The following NKIRAS1 variants were observed in gnomAD, a reference collection of about 807,000 sequenced individuals.
NKIRAS1 encodes the protein NF-kappa-B inhibitor-interacting Ras-like protein 1.
In NKIRAS1, 16 loss-of-function variants were observed where a neutral mutation model predicts 19.8. The ratio of observed to expected loss-of-function variants is 0.81; its 90% CI spans 0.55 to 1.23. The LOEUF is 1.23. NKIRAS1 is among the 50% of genes most tolerant of loss of function. The probability of loss-of-function intolerance (pLI) is 0.00; values close to 1 mark genes in which losing one functional copy is unlikely to be tolerated. For synonymous variants in NKIRAS1, 88 were observed against 79.0 expected (o/e 1.11, Z -0.61); for missense variants, 184 against 220.0 (o/e 0.84, Z 1.04).
intron 1 of NKIRAS1, chr3:23,946,241 C>T (rs1286664678): frequency 2.8e-5 from 28 of 985,334 alleles, no homozygotes; most frequent in Non-Finnish European, 3.3e-5. Flanking sequence ...ACGCCGCACG[C>T]TCTTTTCGCG....
intron 1 of NKIRAS1, among the ~76,000 whole-genome samples, chr3:23,941,060 T>C (rs1705486812): frequency 6.6e-6 from 1 of 152,246 alleles, no homozygotes; most frequent in East Asian, 1.9e-4. Flanking sequence ...TGCAGAGTTC[T>C]GAGATCAAAA....
chr3:23,930,463 CG>C (rs34619762), intron 1 of NKIRAS1, among the ~76,000 whole-genome samples: 94,487 of 150,318 alleles, frequency 0.63, 29,759 homozygotes, highest in Middle Eastern at 0.73. Context: ...ATAAATAAGC[CG>C]CCAAAAAAAA....
At position 23,927,240 on chromosome 3, in the gene NKIRAS1, C is replaced by T. The variant is rs746614611; in HGVS notation, c.-139-15790G>A. On this transcript the variant is annotated intron_variant, in intron 1 of 4. Coordinates refer to the NKIRAS1 transcript ENST00000421515. The surrounding 1 kb of genome is among the most constrained non-coding windows in gnomAD (Gnocchi z 4.0). ...AGAAAAAGAAGAATCTGCTGCAAGGCTGAGTGCAGTGGCTCACGTCTGTAA... is the reference window on the plus strand; with the variant it reads ...AGAAAAAGAAGAATCTGCTGCAAGGTTGAGTGCAGTGGCTCACGTCTGTAA... Among the ~76,000 whole-genome samples the T allele has an allele frequency of 1.1e-4, 17 of 152,150 alleles. No homozygotes were observed. Among genetic ancestry groups the T allele is most frequent in the Non-Finnish European group, 2.2e-4 (15 of 68,034 alleles).
rs529553621 is a variant in NKIRAS1 at position 23,916,959 on chromosome 3, C to G, written c.-315G>C. 6.5e-6 allele frequency: 1 copy of G among 152,674 alleles called. No individual in the cohort carries two copies. Among genetic ancestry groups the G allele is most frequent in the African/African-American group, 2.4e-5 (1 of 41,480 alleles). 9.5% of individuals were successfully genotyped at this position (152,674 alleles called of 1,614,324 possible). ...TCTCGAGACGCCCAGGCCGCTCAGG[C>G]TCGAATCTTGCGGAGCAGGGGGCGG... On this transcript the variant is annotated 5_prime_UTR_variant, in exon 1 of 5. Coordinates refer to ENST00000425478, the MANE Select transcript of NKIRAS1 (RefSeq NM_020345.4).
chr3:23,917,949 C>T, upstream of NKIRAS1: 1 of 1,613,832 alleles, frequency 6.2e-7, no homozygotes. Flanking sequence ...GCTGGCAGTA[C>T]CGCCAGCTCT....
In NKIRAS1 at chr3:23,892,206, C is replaced by G. The variant is rs1468614873; in HGVS notation, c.*889G>C. 1.3e-5 allele frequency: 2 copies of G among 152,128 alleles called. No homozygotes were observed. The highest frequency in any genetic ancestry group is 3.9e-4 in the East Asian group (2 of 5,190). 9.4% of individuals were successfully genotyped at this position (152,128 alleles called of 1,614,324 possible). A position where few individuals can be genotyped will look rare whatever the true frequency, so the allele number is the denominator to read the frequency against. The stretch of plus-strand genomic sequence containing the variant: ...TTAAATTAATAAAGTTACAGTCAGC[C>G]ACATTGCTTGAGTCTTGCCAAAATC... On this transcript the variant is annotated 3_prime_UTR_variant, in exon 5 of 5. Transcript: ENST00000425478.
upstream of NKIRAS1, chr3:23,921,570 GTT>G (rs71622703): frequency 0.042 from 20,931 of 493,382 alleles, 305 homozygotes; most frequent in African/African-American, 0.087. Flanking sequence ...TGATTATTGA[GTT>G]TTTTTTTTTT....
At chr3:23,918,820 A>C (rs1704878007), upstream of NKIRAS1, 3 of 555,436 alleles carry the variant, frequency 5.4e-6, no homozygotes. Context: ...TGCAGAAGAG[A>C]CCAAATGTGG....
At chr3:23,943,229 T>A (rs1277089639) in intron 1 of NKIRAS1, among the ~76,000 whole-genome samples, 1 of 152,196 alleles carries the variant, frequency 6.6e-6, no homozygotes, top group Non-Finnish European at 1.5e-5. Context: ...GTCTCCAGTT[T>A]TGCCTTTTCT....
At position 23,892,010 on chromosome 3, in the gene NKIRAS1, G is replaced by GTCTT. The variant is rs1701506401; in HGVS notation, c.*1081_*1084dup. On this transcript the variant is annotated 3_prime_UTR_variant, in exon 5 of 5. Transcript: ENST00000425478. ...CAGCAATAGCTGATTTGTAAGTATC[G>GTCTT]TCTTTTATATGTAGTAGTTCTTCAC... 1 of 152,106 alleles carries GTCTT rather than the reference G, an allele frequency of 6.6e-6. No individual in the cohort carries two copies. Among genetic ancestry groups the GTCTT allele is most frequent in the African/African-American group, 2.4e-5 (1 of 41,426 alleles). 9.4% of individuals were successfully genotyped at this position (152,106 alleles called of 1,614,324 possible). A position where few individuals can be genotyped will look rare whatever the true frequency, so the allele number is the denominator to read the frequency against.
At chr3:23,906,602 C>T (rs538270393) in intron 3 of NKIRAS1, among the ~76,000 whole-genome samples, 21 of 152,152 alleles carry the variant, frequency 1.4e-4, no homozygotes, top group African/African-American at 5.1e-4. Flanking sequence ...TACGATGAAC[C>T]ACTTCCAGTT....
At chr3:23,903,115 T>C (rs113358943) in intron 3 of NKIRAS1, among the ~76,000 whole-genome samples, 108 of 152,294 alleles carry the variant, frequency 7.1e-4, no homozygotes, top group African/African-American at 1.4e-3. Flanking sequence ...CTTTTTAAGT[T>C]GTATTTATTT....
At chr3:23,940,057 G>A (rs905585726) in intron 1 of NKIRAS1, among the ~76,000 whole-genome samples, 7 of 151,358 alleles carry the variant, frequency 4.6e-5, no homozygotes, top group South Asian at 2.1e-4. Flanking sequence ...CTGACCGGGT[G>A]CGTAGGCTCA....
chr3:23,930,189 TG>T (rs934524790), intron 1 of NKIRAS1, among the ~76,000 whole-genome samples: 2 of 152,124 alleles, frequency 1.3e-5, no homozygotes, highest in African/African-American at 4.8e-5. Context: ...TGCTTCATCC[TG>T]GGGGGTATTT....
At chr3:23,918,726 G>T (rs779289363), upstream of NKIRAS1, 200 of 913,672 alleles carry the variant, frequency 2.2e-4, no homozygotes, top group Non-Finnish European at 3.0e-4. Context: ...AAGAGTAATT[G>T]CTTGAAAGAC....
chr3:23,921,295 T>G (rs1705067373), upstream of NKIRAS1, among the ~76,000 whole-genome samples: 1 of 152,196 alleles, frequency 6.6e-6, no homozygotes. Context: ...ATCATGGCAC[T>G]CCCGTGCAAA....
At chr3:23,917,809 C>T (rs1470050663), upstream of NKIRAS1, 2 of 1,555,152 alleles carry the variant, frequency 1.3e-6, no homozygotes, top group Non-Finnish European at 8.7e-7. Context: ...TCTTATTGTA[C>T]TTAAAGCGGA....
rs773808102 is a variant in NKIRAS1, at chr3:23,891,889, C to G, written c.*1206G>C. 1 of 151,602 alleles carries G rather than the reference C, an allele frequency of 6.6e-6. No individual in the cohort carries two copies. Among genetic ancestry groups the G allele is most frequent in the African/African-American group, 2.4e-5 (1 of 41,226 alleles). The allele number at this position is 151,602 out of a possible 1,614,324, so 9.4% of individuals were successfully genotyped here. A position where few individuals can be genotyped will look rare whatever the true frequency, so the allele number is the denominator to read the frequency against. On this transcript the variant is annotated 3_prime_UTR_variant, in exon 5 of 5. Transcript: ENST00000425478. Reference sequence around the variant, plus strand: ...GGAAGCTAGATTAATATTCAATAACCGGGGGAAAAGGGTAAGGGGGTGAGT... The same window carrying G: ...GGAAGCTAGATTAATATTCAATAACGGGGGGAAAAGGGTAAGGGGGTGAGT...
At chr3:23,928,865 G>A (rs577749276) in intron 1 of NKIRAS1, among the ~76,000 whole-genome samples, 2 of 151,766 alleles carry the variant, frequency 1.3e-5, no homozygotes, top group African/African-American at 4.8e-5. Flanking sequence ...GGCGGTGTGC[G>A]CTGAGCCTGT....
Sources: gnomAD v4.1 joint callset for allele counts (sites outside exome capture counted in the v4.1 genomes callset) on GRCh38, gnomAD v4.1.1 for gene constraint, Gnocchi (gnomAD v3.1) non-coding constraint, MANE v1.5 for transcripts, NCBI Gene and HGNC (gene_info 2026-07-23, HGNC 2026-07-21) for gene names.